The following NCAM1 variants were observed in gnomAD, a reference collection of about 807,000 sequenced individuals.
NCAM1 encodes the protein antigen recognized by monoclonal antibody 5.1H11.
NCAM1 carries 14 observed loss-of-function variants against 109.8 expected under a neutral mutation model. The observed-to-expected ratio is 0.13, with a 90% CI of 0.08 to 0.20. The LOEUF is 0.20. Among genes scored for constraint, NCAM1 ranks in the 10% least tolerant of loss-of-function variants. The pLI is 1.00. For missense variants in NCAM1, 774 were observed against 1,109.9 expected (o/e 0.70, Z 4.30); for synonymous variants, 418 against 442.9 (o/e 0.94, Z 0.70).
intron 1 of NCAM1, among the ~76,000 whole-genome samples, chr11:113,089,553 C>G (rs951964226): frequency 2.6e-5 from 4 of 152,126 alleles, no homozygotes; most frequent in African/African-American, 9.7e-5. Context: ...ACCTCCACCT[C>G]CCAAGTAGCT....
chr11:113,229,682 C>G (rs1449870402), intron 9 of NCAM1, among the ~76,000 whole-genome samples: 1 of 152,174 alleles, frequency 6.6e-6, no homozygotes, highest in East Asian at 1.9e-4. Context: ...TGGAACCAAC[C>G]CAAATGTCCA....
intron 14 of NCAM1, among the ~76,000 whole-genome samples, chr11:113,239,761 A>G (rs1945273589): frequency 6.6e-6 from 1 of 152,158 alleles, no homozygotes; most frequent in Non-Finnish European, 1.5e-5. Context: ...TAACCAGACC[A>G]TCCAATAATG....
Position 113,273,579 on chromosome 11 carries a change from G to T in NCAM1, c.2457-1688G>T. 4.7e-6 allele frequency: 2 copies of T among 423,382 alleles called. No homozygotes were observed. Among genetic ancestry groups the T allele is most frequent in the Non-Finnish European group, 9.7e-6 (2 of 205,862 alleles). 26.2% of individuals were successfully genotyped at this position (423,382 alleles called of 1,614,324 possible). A position where few individuals can be genotyped will look rare whatever the true frequency, so the allele number is the denominator to read the frequency against. Reference sequence around the variant, plus strand: ...CACCACAAACCCTTCCCAGGGCGAGGACTTTAAAATGGACGAAGGGAACTT... The same window carrying T: ...CACCACAAACCCTTCCCAGGGCGAGTACTTTAAAATGGACGAAGGGAACTT... On this transcript the variant is annotated intron_variant, in intron 19 of 19. Coordinates refer to ENST00000316851, the MANE Select transcript of NCAM1 (RefSeq NM_181351.5). This position sits in a 1 kb window ranked among gnomAD's most constrained non-coding sequence, Gnocchi z 6.0.
At chr11:112,997,072 A>G (rs1555071547) in intron 1 of NCAM1, among the ~76,000 whole-genome samples, 1 of 152,142 alleles carries the variant, frequency 6.6e-6, no homozygotes, top group South Asian at 2.1e-4. Context: ...CTTGGGTAGG[A>G]TAGAATAATG....
At position 113,273,619 on chromosome 11, in the gene NCAM1, T is replaced by C. The variant is rs1415502554; in HGVS notation, c.2457-1648T>C. ...GAAGGGAACTTCAAGACCCCAGATA[T>C]TGACCTTGCAAAGGATGTTTTTGCA... On this transcript the variant is annotated intron_variant, in intron 19 of 19. Transcript: ENST00000316851. This position sits in a 1 kb window ranked among gnomAD's most constrained non-coding sequence, Gnocchi z 6.0. 20 of 453,988 alleles carry C rather than the reference T, an allele frequency of 4.4e-5. No homozygotes were observed. In the East Asian group the frequency reaches 9.1e-4, roughly 21 times the overall value. The allele number at this position is 453,988 out of a possible 1,614,324, so 28.1% of individuals were successfully genotyped here.
At chr11:113,093,304 TTCTGGCA>T (rs1939440480) in intron 1 of NCAM1, among the ~76,000 whole-genome samples, 1 of 152,198 alleles carries the variant, frequency 6.6e-6, no homozygotes, top group South Asian at 2.1e-4. Flanking sequence ...TGGCTTTTCT[TTCTGGCA>T]TCTGGTTTAG....
At chr11:113,231,864 C>T in intron 10 of NCAM1, 69 bp downstream of exon 10, 1 of 1,582,354 alleles carries the variant, frequency 6.3e-7, no homozygotes, top group Non-Finnish European at 8.6e-7. Context: ...GAGAGGAAAA[C>T]ATCAGCAAGG....
chr11:113,155,358 A>G (rs1555103272), intron 1 of NCAM1, among the ~76,000 whole-genome samples: 6 of 151,990 alleles, frequency 3.9e-5, no homozygotes, highest in Non-Finnish European at 7.4e-5. Context: ...AAAATACAAA[A>G]GTTAGCTGGG....
Position 113,275,512 on chromosome 11 carries a change from C to A in NCAM1, c.*125C>A. On this transcript the variant is annotated 3_prime_UTR_variant, in exon 20 of 20. Transcript: ENST00000316851. ...CAAACACACATGCACACACACACATCTCATTTCTCTAGTGTCTTTTGCCTT... is the reference window on the plus strand; with the variant it reads ...CAAACACACATGCACACACACACATATCATTTCTCTAGTGTCTTTTGCCTT... 1 of 1,171,896 alleles carries A rather than the reference C, an allele frequency of 8.5e-7. No individual in the cohort carries two copies. Among genetic ancestry groups the A allele is most frequent in the Non-Finnish European group, 1.2e-6 (1 of 850,238 alleles). The allele number at this position is 1,171,896 out of a possible 1,614,324, so 72.6% of individuals were successfully genotyped here.
intron 15 of NCAM1, among the ~76,000 whole-genome samples, chr11:113,254,167 A>G (rs1409340549): frequency 6.6e-6 from 1 of 152,234 alleles, no homozygotes; most frequent in Non-Finnish European, 1.5e-5. Flanking sequence ...GAATTTGGAA[A>G]GCCTAAATAC....
chr11:113,152,974 C>T lies in NCAM1; in HGVS notation c.53-49405C>T, dbSNP rs78350120. 6.0e-3 allele frequency among the ~76,000 whole-genome samples: 910 copies of T among 151,914 alleles called. 8 individuals are homozygous for T. The highest frequency in any genetic ancestry group is 0.02 in the African/African-American group (847 of 41,392). ...AAGAGAAGAATGAATTATAGAGGGT[C>T]GAGCCAGACAGATTCAATTGCTGGT... On this transcript the variant is annotated intron_variant, in intron 1 of 19. Transcript: ENST00000316851.
At chr11:112,980,153 A>C (rs531764893) in intron 1 of NCAM1, among the ~76,000 whole-genome samples, 34 of 151,958 alleles carry the variant, frequency 2.2e-4, no homozygotes, top group Non-Finnish European at 3.2e-4. Flanking sequence ...ATACCACTTC[A>C]CACCCGCTAG....
At chr11:113,178,848 T>C (rs1555107512) in intron 1 of NCAM1, among the ~76,000 whole-genome samples, 1 of 151,922 alleles carries the variant, frequency 6.6e-6, no homozygotes, top group Non-Finnish European at 1.5e-5. Flanking sequence ...ATTCGAAGAG[T>C]CCGGGTGCTT....
At chr11:112,992,493 C>CT (rs1334463162) in intron 1 of NCAM1, among the ~76,000 whole-genome samples, 5 of 146,690 alleles carry the variant, frequency 3.4e-5, no homozygotes, top group Admixed American at 6.8e-5. Flanking sequence ...ATCATGAACT[C>CT]TTTTTTTTTC....
chr11:113,211,979 GA>G (rs1482802190), intron 7 of NCAM1, among the ~76,000 whole-genome samples: 24 of 152,222 alleles, frequency 1.6e-4, no homozygotes, highest in Non-Finnish European at 2.9e-5. Context: ...GAACTCATAA[GA>G]GAGGTTAATT....
At chr11:112,964,636 T>A (rs1950683241) in intron 1 of NCAM1, among the ~76,000 whole-genome samples, 1 of 152,230 alleles carries the variant, frequency 6.6e-6, no homozygotes, top group Non-Finnish European at 1.5e-5. Context: ...GTGAGCACAG[T>A]TATAGTGAGC....
Position 113,090,192 on chromosome 11 carries a change from C to G in NCAM1, c.53-112187C>G, listed in dbSNP as rs146988837. 2.2e-4 allele frequency among the ~76,000 whole-genome samples: 34 copies of G among 152,274 alleles called. No individual in the cohort carries two copies. The East Asian group carries it at 6.2e-3, about 28-fold the overall frequency. ...TAGTATTACATTGTGCTGTGGACTA[C>G]TAGGTGATAAGTTTGAAGTCTCTGA... On this transcript the variant is annotated intron_variant, in intron 1 of 19. Transcript: ENST00000316851.
chr11:113,039,138 G>C (rs1952991165), intron 1 of NCAM1, among the ~76,000 whole-genome samples: 1 of 152,182 alleles, frequency 6.6e-6, no homozygotes, highest in African/African-American at 2.4e-5. Context: ...TCAATGTTAA[G>C]CAGAATATGT....
At chr11:112,961,752 G>T in intron 1 of NCAM1, 88 bp downstream of exon 1, 4 of 851,872 alleles carry the variant, frequency 4.7e-6, no homozygotes, top group South Asian at 1.6e-5. Flanking sequence ...ATTTTGGGTG[G>T]TTTTACGTGG....
Sources: allele counts gnomAD v4.1 joint callset (sites outside exome capture counted in the v4.1 genomes callset), GRCh38; gene constraint gnomAD v4.1.1; non-coding constraint Gnocchi (gnomAD v3.1); transcripts MANE v1.5; gene names NCBI Gene and HGNC (gene_info 2026-07-23, HGNC 2026-07-21).